The following TMEM248 variants were observed in gnomAD, a reference collection of about 807,000 sequenced individuals.
TMEM248 encodes the protein UPF0458 protein C7orf42.
Under a neutral mutation model 30.3 loss-of-function variants are expected in TMEM248, and 9 were observed. The observed-to-expected ratio is 0.30, with a 90% CI of 0.18 to 0.52. The LOEUF (loss-of-function observed/expected upper bound fraction) is 0.52, where lower values mean the gene tolerates loss of function less well. Ranked by LOEUF, TMEM248 falls within the 20% of genes least tolerant of loss-of-function variation. The pLI is 0.97. For missense variants in TMEM248, 338 were observed against 403.3 expected (o/e 0.84, Z 1.39); for synonymous variants, 184 against 154.4 (o/e 1.19, Z -1.42).
chr7:66,930,014 G>A (rs1457264478), intron 1 of TMEM248, among the ~76,000 whole-genome samples: 2 of 152,008 alleles, frequency 1.3e-5, no homozygotes, highest in Non-Finnish European at 2.9e-5. Flanking sequence ...ACAAAAATTA[G>A]CCAGGAGTGG....
chr7:66,956,848 ATTT>A lies in TMEM248; in HGVS notation c.*1331_*1333del, dbSNP rs1792417520. 6.6e-6 allele frequency: 1 copy of A among 151,728 alleles called. No individual in the cohort carries two copies. The highest frequency in any genetic ancestry group is 2.4e-5 in the African/African-American group (1 of 41,306). The allele number at this position is 151,728 out of a possible 1,614,324, so 9.4% of individuals were successfully genotyped here. ...GCCAGCGCGCCTGGCTAATTTTAAA[ATTT>A]TTTTGTAGAGACAGAGTCTCCCTCT... On this transcript the variant is annotated 3_prime_UTR_variant, in exon 7 of 7. Transcript: ENST00000341567.
chr7:66,955,632 T>G lies in TMEM248; in HGVS notation c.*110T>G. 1 of 1,316,784 alleles carries G rather than the reference T, an allele frequency of 7.6e-7. No individual in the cohort carries two copies. The highest frequency in any genetic ancestry group is 1.1e-6 in the Non-Finnish European group (1 of 933,990). The allele number at this position is 1,316,784 out of a possible 1,614,324, so 81.6% of individuals were successfully genotyped here. The stretch of plus-strand genomic sequence containing the variant: ...GAATACATTATCTTGCGATGTTGGG[T>G]TATTCCAGCCAAAGACATTTCAAGT... On this transcript the variant is annotated 3_prime_UTR_variant, in exon 7 of 7. Coordinates refer to ENST00000341567, the MANE Select transcript of TMEM248 (RefSeq NM_017994.5).
chr7:66,952,678 T>G (rs1262980570), intron 5 of TMEM248, among the ~76,000 whole-genome samples: 1 of 151,864 alleles, frequency 6.6e-6, no homozygotes, highest in East Asian at 1.9e-4. Flanking sequence ...ATGTGGGAGG[T>G]CAAAGGGTAG....
rs200342790 is a variant in TMEM248 at position 66,951,163 on chromosome 7, T to C, written c.780+28T>C. ...AAGTGAGAAAAATTGTGTGTGTGTGTGTGCGTGCATGCATATGCACATGTG... is the reference window on the plus strand; with the variant it reads ...AAGTGAGAAAAATTGTGTGTGTGTGCGTGCGTGCATGCATATGCACATGTG... On this transcript the variant is annotated intron_variant, in intron 5 of 6. Transcript: ENST00000341567. 363 of 1,543,760 alleles carry C rather than the reference T, an allele frequency of 2.4e-4. 1 individual carries two copies. Among genetic ancestry groups the C allele is most frequent in the Non-Finnish European group, 3.1e-4 (350 of 1,144,980 alleles).
At chr7:66,927,277 A>G (rs542179662) in intron 1 of TMEM248, among the ~76,000 whole-genome samples, 7 of 152,246 alleles carry the variant, frequency 4.6e-5, no homozygotes, top group African/African-American at 1.7e-4. Flanking sequence ...AGTGAGGAGA[A>G]ATAAACGGGA....
At chr7:66,946,129 G>T (rs1350123011) in intron 3 of TMEM248, among the ~76,000 whole-genome samples, 1 of 151,260 alleles carries the variant, frequency 6.6e-6, no homozygotes, top group East Asian at 1.9e-4. Flanking sequence ...AGGCATGGTG[G>T]TGCGCACTTG....
chr7:66,925,947 T>C (rs1245754738), intron 1 of TMEM248, among the ~76,000 whole-genome samples: 1 of 152,084 alleles, frequency 6.6e-6, no homozygotes, highest in Non-Finnish European at 1.5e-5. Flanking sequence ...GGCCTATTTT[T>C]AGTTTTTAAA....
At chr7:66,953,561 T>C (rs1040617927) in intron 6 of TMEM248, among the ~76,000 whole-genome samples, 192 bp downstream of exon 6, 1 of 152,204 alleles carries the variant, frequency 6.6e-6, no homozygotes, top group African/African-American at 2.4e-5. Context: ...TCCAAATCCC[T>C]TCTGTAAAAT....
chr7:66,924,901 G>A (rs1395445109), intron 1 of TMEM248, among the ~76,000 whole-genome samples: 5 of 151,626 alleles, frequency 3.3e-5, no homozygotes, highest in African/African-American at 4.9e-5. Context: ...AGTAGAGATG[G>A]GGTTTCGCCA....
At chr7:66,943,763 CT>C (rs1313819339) in intron 2 of TMEM248, among the ~76,000 whole-genome samples, 2 of 151,232 alleles carry the variant, frequency 1.3e-5, no homozygotes, top group Non-Finnish European at 2.9e-5. Context: ...TAAGGGTAGA[CT>C]TACTGGGCTG....
chr7:66,951,285 G>T, intron 5 of TMEM248, 150 bp downstream of exon 5: 1 of 655,966 alleles, frequency 1.5e-6, no homozygotes, highest in Non-Finnish European at 2.3e-6. Flanking sequence ...TAGGACACTA[G>T]GCGGAGTGGT....
chr7:66,955,213 C>T (rs1478402241), intron 6 of TMEM248, among the ~76,000 whole-genome samples: 1 of 152,122 alleles, frequency 6.6e-6, no homozygotes, highest in Non-Finnish European at 1.5e-5. Flanking sequence ...CAGTAACCTA[C>T]GATTGCACCA....
At chr7:66,943,619 C>T (rs1792019613) in intron 2 of TMEM248, among the ~76,000 whole-genome samples, 1 of 152,118 alleles carries the variant, frequency 6.6e-6, no homozygotes, top group South Asian at 2.1e-4. Flanking sequence ...TTATGAAGGA[C>T]TGAGACTAGA....
At chr7:66,948,790 A>G in intron 4 of TMEM248, 96 bp downstream of exon 4, 2 of 1,344,092 alleles carry the variant, frequency 1.5e-6, no homozygotes, top group Non-Finnish European at 2.0e-6. Context: ...AGGATGGCTC[A>G]CTTCACATTT....
chr7:66,932,576 C>T (rs893321710), intron 1 of TMEM248, among the ~76,000 whole-genome samples: 19 of 149,688 alleles, frequency 1.3e-4, no homozygotes, highest in African/African-American at 4.2e-4. Flanking sequence ...AGTGCAGTGG[C>T]GTGATCTCGG....
intron 1 of TMEM248, chr7:66,930,997 A>G (rs1791649024): frequency 6.6e-6 from 1 of 152,516 alleles, no homozygotes; most frequent in South Asian, 2.1e-4. Flanking sequence ...CTAAGGTAGA[A>G]AATCTCATTT....
At chr7:66,948,840 TATTTA>T in intron 4 of TMEM248, 146 bp downstream of exon 4, 2 of 898,910 alleles carry the variant, frequency 2.2e-6, no homozygotes, top group African/African-American at 1.7e-5. Flanking sequence ...TCTAAAGGAT[TATTTA>T]ATTTGTCTAA....
In TMEM248 at chr7:66,931,994, C is replaced by T. The variant is rs1046990099; in HGVS notation, c.-18-9854C>T. On this transcript the variant is annotated intron_variant, in intron 1 of 6. Transcript: ENST00000341567. ...TAATTTTTTGTACTTTTAGTAGAGA[C>T]GGGGTTTCACCATGTTAGTCAGGAT... Among the ~76,000 whole-genome samples the T allele has an allele frequency of 7.9e-5, 12 of 150,976 alleles. No homozygotes were observed. In the East Asian group the frequency reaches 1.8e-3, roughly 22 times the overall value.
chr7:66,945,156 G>A lies in TMEM248; in HGVS notation c.340G>A (p.Val114Ile). ...GGACTCGGGCCCGGTGAATATCTCA[G>A]TCTCAATCACCCTAACCCTGGACCC... ...LEDSGPVNISVSITLTLDPLK... is the reference protein window; with the variant it reads ...LEDSGPVNISISITLTLDPLK... Residue 114 changes from valine to isoleucine, a missense_variant, in exon 3 of 7, where the codon GTC becomes ATC. Coordinates refer to ENST00000341567, the MANE Select transcript of TMEM248 (RefSeq NM_017994.5). 3 of 1,614,174 alleles carry A rather than the reference G, an allele frequency of 1.9e-6. No individual in the cohort carries two copies. The highest frequency in any genetic ancestry group is 3.3e-5 in the Admixed American group (2 of 60,010).
Sources: gnomAD v4.1 joint callset for allele counts (sites outside exome capture counted in the v4.1 genomes callset) on GRCh38, gnomAD v4.1.1 for gene constraint, MANE v1.5 for transcripts, NCBI Gene and HGNC (gene_info 2026-07-23, HGNC 2026-07-21) for gene names.